The following HYDIN variants were observed in gnomAD, a reference collection of about 807,000 sequenced individuals.
HYDIN encodes axonemal central pair apparatus protein HYDIN.
A neutral mutation model predicts 403.9 loss-of-function variants in HYDIN; 132 were observed. That is an observed-to-expected ratio of 0.33 (90% CI 0.28 to 0.38). The LOEUF (loss-of-function observed/expected upper bound fraction) is 0.38, where lower values mean the gene tolerates loss of function less well. Among genes scored for constraint, HYDIN ranks in the 10% least tolerant of loss-of-function variants. HYDIN has a pLI of 1.00. For synonymous variants in HYDIN, 1,202 were observed against 1,891.7 expected, an observed-to-expected ratio of 0.64 and a Z score of 9.46; for missense variants, 2,827 against 5,009.5, an observed-to-expected ratio of 0.56 and a Z score of 13.15.
At chr16:71,212,112 C>A (rs1043514639) in intron 1 of HYDIN, among the ~76,000 whole-genome samples, 3 of 152,076 alleles carry the variant, frequency 2.0e-5, no homozygotes, top group African/African-American at 7.2e-5. Flanking sequence ...TGACTGGATC[C>A]TTGAAAAATT....
chr16:70,809,706 CCT>C, intron 85 of HYDIN, 75 bp downstream of exon 85: 1 of 1,142,682 alleles, frequency 8.8e-7, no homozygotes, highest in Admixed American at 1.7e-5. Context: ...ATTCATGCTC[CCT>C]GTGTCTCCTC....
chr16:70,952,733 TA>T (rs1832148044), intron 40 of HYDIN, 98 bp from the exon 41 acceptor site: 2 of 433,288 alleles, frequency 4.6e-6, no homozygotes, highest in Non-Finnish European at 7.5e-6. Flanking sequence ...CCAATAGACA[TA>T]TAATGTGAAC....
At position 70,805,286 on chromosome 16, in the gene HYDIN, G is replaced by A. The variant is rs565591058; in HGVS notation, c.*2294C>T. Among the ~76,000 whole-genome samples, 3 of 152,200 alleles carry A rather than the reference G, an allele frequency of 2.0e-5. No individual in the cohort carries two copies. Among genetic ancestry groups the A allele is most frequent in the African/African-American group, 7.2e-5 (3 of 41,458 alleles). ...CTCAGCTGCAATGTGCATGCAAATC[G>A]CCTGGAGGTCCATGAAAATGCAGAT... On this transcript the variant is annotated 3_prime_UTR_variant, in exon 86 of 86. Transcript: ENST00000393567.
At chr16:70,979,253 G>A (rs1379211129) in intron 29 of HYDIN, among the ~76,000 whole-genome samples, 1 of 141,270 alleles carries the variant, frequency 7.1e-6, no homozygotes, top group Non-Finnish European at 1.5e-5. Context: ...TGAGTTCAAT[G>A]AGATTGTGCT....
At chr16:70,899,554 G>A (rs1434566382) in intron 53 of HYDIN, among the ~76,000 whole-genome samples, 13 of 151,428 alleles carry the variant, frequency 8.6e-5, no homozygotes, top group Admixed American at 2.6e-4. Flanking sequence ...CCTCCAGAAC[G>A]GTGAGAGAGG....
chr16:70,915,900 C>T (rs1203349550), intron 47 of HYDIN, among the ~76,000 whole-genome samples: 8 of 151,968 alleles, frequency 5.3e-5, no homozygotes, highest in South Asian at 2.1e-4. Flanking sequence ...TCTGCTGAGT[C>T]GTGCAGGTTG....
In HYDIN at chr16:70,992,177, G is replaced by A; in HGVS notation, c.3678C>T (p.Ala1226=). The change falls in exon 24 of 86, where the codon GCC becomes GCT. Residue 1226 remains alanine, a synonymous_variant. Coordinates refer to ENST00000393567, the MANE Select transcript of HYDIN (RefSeq NM_001270974.2). ...GGATGGACTCCATCTGGGACACTGGGGCACTGTAGGGCTTCTTCGGCAATG... is the reference window on the plus strand; with the variant it reads ...GGATGGACTCCATCTGGGACACTGGAGCACTGTAGGGCTTCTTCGGCAATG... The part of the protein sequence containing the change: ...FVTLPKKPYS[A]PVSQMESIPA... The A allele has an allele frequency of 1.2e-6, 2 of 1,603,852 alleles. No individual in the cohort carries two copies. Among genetic ancestry groups the A allele is most frequent in the Non-Finnish European group, 1.7e-6 (2 of 1,176,004 alleles).
intron 18 of HYDIN, among the ~76,000 whole-genome samples, chr16:71,054,758 G>T (rs1227777134): frequency 6.6e-6 from 1 of 150,620 alleles, no homozygotes; most frequent in African/African-American, 2.4e-5. Flanking sequence ...TTAAAGTAGG[G>T]GACACAACTT....
chr16:71,162,449 C>G, intron 6 of HYDIN, 82 bp downstream of exon 6: 2 of 651,284 alleles, frequency 3.1e-6, no homozygotes, highest in Non-Finnish European at 5.6e-6. Flanking sequence ...AATTCCACCC[C>G]CCAATGTTAT....
At chr16:70,931,698 T>C (rs1181524096) in intron 45 of HYDIN, among the ~76,000 whole-genome samples, 1 of 152,178 alleles carries the variant, frequency 6.6e-6, no homozygotes, top group Non-Finnish European at 1.5e-5. Context: ...GGCTATTAGA[T>C]GGAAGGAAAT....
chr16:70,853,229 T>C (rs943869893), intron 73 of HYDIN, among the ~76,000 whole-genome samples: 2 of 152,078 alleles, frequency 1.3e-5, no homozygotes, highest in Admixed American at 6.6e-5. Context: ...GGTGATGTTG[T>C]GGAGATTCTG....
intron 3 of HYDIN, 31 bp downstream of exon 3, chr16:71,184,834 T>C: frequency 6.4e-7 from 1 of 1,552,220 alleles, no homozygotes; most frequent in Non-Finnish European, 8.8e-7. Context: ...CAGGGCCCAC[T>C]TTATATGTAA....
intron 75 of HYDIN, among the ~76,000 whole-genome samples, chr16:70,846,358 G>A (rs947350038): frequency 6.6e-6 from 1 of 151,314 alleles, no homozygotes; most frequent in Non-Finnish European, 1.5e-5. Context: ...GGCTTTGAGT[G>A]AGATTCTTAA....
intron 80 of HYDIN, among the ~76,000 whole-genome samples, chr16:70,830,946 G>T (rs1236372250): frequency 6.6e-6 from 1 of 151,772 alleles, no homozygotes; most frequent in Admixed American, 6.6e-5. Flanking sequence ...TGTCAGTATA[G>T]CAATTTCATT....
chr16:70,923,530 T>A (rs1200422596), intron 45 of HYDIN, among the ~76,000 whole-genome samples: 2 of 98,168 alleles, frequency 2.0e-5, no homozygotes, highest in African/African-American at 7.9e-5. Flanking sequence ...AGGCCAGGTG[T>A]GGTGGCTCAA....
chr16:70,849,286 C>G (rs953546746), intron 75 of HYDIN, among the ~76,000 whole-genome samples: 1 of 151,938 alleles, frequency 6.6e-6, no homozygotes. Context: ...AGAATTGTTG[C>G]AAGCCTATTA....
chr16:71,037,664 A>T (rs942372685), intron 18 of HYDIN, among the ~76,000 whole-genome samples: 6 of 152,132 alleles, frequency 3.9e-5, no homozygotes, highest in African/African-American at 1.4e-4. Context: ...CAGCGGCTCC[A>T]AAGTGGCTGA....
In HYDIN at chr16:70,991,301, T is replaced by A. The variant is rs777710975; in HGVS notation, c.3864+17A>T. 2.0e-5 allele frequency: 33 copies of A among 1,613,712 alleles called. No individual in the cohort carries two copies. The highest frequency in any genetic ancestry group is 2.8e-5 in the Non-Finnish European group (33 of 1,179,828). On this transcript the variant is annotated intron_variant, in intron 25 of 85. Coordinates refer to ENST00000393567, the MANE Select transcript of HYDIN (RefSeq NM_001270974.2). The stretch of plus-strand genomic sequence containing the variant: ...ACCCTTGACCTGCCTACCCTCCCCA[T>A]GGAAAGGACACCGTACATCTGAGAT...
At chr16:71,158,396 A>G (rs8063809) in intron 6 of HYDIN, among the ~76,000 whole-genome samples, 55,472 of 151,216 alleles carry the variant, frequency 0.37, 10,565 homozygotes, top group East Asian at 0.57. Flanking sequence ...ATAGGTAGAT[A>G]GATAGAAAGA....
Sources: gnomAD v4.1 joint callset for allele counts (sites outside exome capture counted in the v4.1 genomes callset) on GRCh38, gnomAD v4.1.1 for gene constraint, MANE v1.5 for transcripts, NCBI Gene and HGNC (gene_info 2026-07-23, HGNC 2026-07-21) for gene names.